Variants in EML1 observed in about 807,000 individuals in gnomAD.
The protein encoded by EML1 is echinoderm microtubule-associated protein-like 1.
Under a neutral mutation model 110.4 loss-of-function variants are expected in EML1, and 27 were observed. That is an observed-to-expected ratio of 0.24 (90% CI 0.18 to 0.34). The LOEUF (loss-of-function observed/expected upper bound fraction) is 0.34, where lower values mean the gene tolerates loss of function less well. Among genes scored for constraint, EML1 ranks in the 10% least tolerant of loss-of-function variants. EML1 has a pLI of 1.00. For missense variants in EML1, 741 were observed against 1,030.9 expected, an observed-to-expected ratio of 0.72 and a Z score of 3.85; for synonymous variants, 344 against 385.8, an observed-to-expected ratio of 0.89 and a Z score of 1.27.
At chr14:99,752,088 C>T (rs184435808) in intron 1 of EML1, among the ~76,000 whole-genome samples, 30 of 152,246 alleles carry the variant, frequency 2.0e-4, no homozygotes, top group South Asian at 2.1e-4. Flanking sequence ...CCAGAGACAC[C>T]GTTAATCGCC....
chr14:99,886,947 C>T (rs2059487159), intron 4 of EML1, among the ~76,000 whole-genome samples: 1 of 152,230 alleles, frequency 6.6e-6, no homozygotes, highest in South Asian at 2.1e-4. Flanking sequence ...CCAAAGTCCA[C>T]AGTGAACACA....
chr14:99,807,112 G>A (rs1056091000), intron 1 of EML1, among the ~76,000 whole-genome samples: 1 of 152,152 alleles, frequency 6.6e-6, no homozygotes, highest in African/African-American at 2.4e-5. Context: ...TGTTTAAAGA[G>A]ACAAGCAGGC....
chr14:99,857,227 A>G (rs546319898), intron 2 of EML1, among the ~76,000 whole-genome samples: 105 of 152,266 alleles, frequency 6.9e-4, no homozygotes, highest in Non-Finnish European at 1.3e-3. Context: ...AGCCGAGGTC[A>G]CACACTGCAC....
chr14:99,883,112 T>A (rs72710027), intron 4 of EML1: 1 of 152,364 alleles, frequency 6.6e-6, no homozygotes, highest in Non-Finnish European at 1.5e-5. Context: ...GGGCCCTTCA[T>A]CCACCAGCTC....
chr14:99,753,879 G>T (rs377697567), intron 1 of EML1, among the ~76,000 whole-genome samples: 12 of 152,148 alleles, frequency 7.9e-5, no homozygotes, highest in African/African-American at 2.9e-4. Context: ...CCCAGTGTAC[G>T]GACCAGGAGA....
chr14:99,788,160 A>G (rs1005333866), intron 1 of EML1, among the ~76,000 whole-genome samples: 1 of 152,026 alleles, frequency 6.6e-6, no homozygotes, highest in Non-Finnish European at 1.5e-5. Context: ...TTTCCTCCTT[A>G]TTCCAGTCCA....
upstream of EML1, among the ~76,000 whole-genome samples, chr14:99,769,975 C>T (rs190261017): frequency 6.6e-6 from 1 of 152,330 alleles, no homozygotes; most frequent in Admixed American, 6.5e-5. Context: ...CACCTGATGG[C>T]CCATACATGC....
At chr14:99,885,276 C>T (rs2059454283) in intron 4 of EML1, among the ~76,000 whole-genome samples, 1 of 152,200 alleles carries the variant, frequency 6.6e-6, no homozygotes, top group Non-Finnish European at 1.5e-5. Context: ...TTTACAGAAA[C>T]CTTCATGGTC....
At chr14:99,849,704 C>A (rs2058761400) in intron 1 of EML1, among the ~76,000 whole-genome samples, 1 of 151,800 alleles carries the variant, frequency 6.6e-6, no homozygotes, top group South Asian at 2.1e-4. Context: ...CGCACCACCA[C>A]ACCCAGCTAA....
At chr14:99,916,831 A>C (rs528703306) in intron 15 of EML1, among the ~76,000 whole-genome samples, 4 of 152,184 alleles carry the variant, frequency 2.6e-5, no homozygotes, top group Non-Finnish European at 5.9e-5. Context: ...CTCTCCTGGG[A>C]GGCCCAAGTC....
At chr14:99,835,031 AG>A (rs1290458239) in intron 1 of EML1, among the ~76,000 whole-genome samples, 1 of 151,862 alleles carries the variant, frequency 6.6e-6, no homozygotes, top group Non-Finnish European at 1.5e-5. Flanking sequence ...TTTGTTACCC[AG>A]GCAAGTCTCA....
At chr14:99,740,719 G>A (rs1000057326) in intron 1 of EML1, among the ~76,000 whole-genome samples, 5 of 152,212 alleles carry the variant, frequency 3.3e-5, no homozygotes, top group African/African-American at 1.2e-4. Flanking sequence ...CTTCGGGGCA[G>A]AGTCACGTCA....
At chr14:99,848,829 G>A (rs2058744763) in intron 1 of EML1, among the ~76,000 whole-genome samples, 1 of 151,886 alleles carries the variant, frequency 6.6e-6, no homozygotes, top group East Asian at 1.9e-4. Context: ...CAAGCGTGGT[G>A]GGGTGCGCCT....
At chr14:99,800,755 T>A (rs2057860583) in intron 1 of EML1, among the ~76,000 whole-genome samples, 1 of 152,272 alleles carries the variant, frequency 6.6e-6, no homozygotes, top group Non-Finnish European at 1.5e-5. Context: ...GAAAACCATT[T>A]TTTGCAGAGT....
chr14:99,763,876 A>T (rs149969588), intron 1 of EML1, among the ~76,000 whole-genome samples: 1 of 152,180 alleles, frequency 6.6e-6, no homozygotes, highest in Non-Finnish European at 1.5e-5. Flanking sequence ...TGCAAGGTGG[A>T]GGACAGCCCT....
chr14:99,906,493 G>A (rs2059849292), intron 9 of EML1, among the ~76,000 whole-genome samples: 1 of 152,166 alleles, frequency 6.6e-6, no homozygotes, highest in South Asian at 2.1e-4. Flanking sequence ...TGGTGCTGGT[G>A]GGAGTGTAGC....
rs939799554 is a variant in EML1, at chr14:99,783,012, C to CT, written c.-27+9002dup. Among the ~76,000 whole-genome samples the CT allele has an allele frequency of 3.2e-4, 48 of 151,592 alleles. 1 individual carries two copies. The highest frequency in any genetic ancestry group is 6.3e-4 in the Non-Finnish European group (43 of 67,952). On this transcript the variant is annotated intron_variant, in intron 1 of 22. Transcript: ENST00000327921. ...TATATATATATATATTTTTATTATA[C>CT]TTTAAGTTCTAGGGTACATGTGCAC... is the stretch of plus-strand genomic sequence containing the variant.
exon 1 of EML1, chr14:99,773,954 CGGCT>C (rs1566858713): frequency 6.6e-6 from 1 of 152,264 alleles, no homozygotes; most frequent in Non-Finnish European, 1.5e-5. Context: ...GGAGGAGGGG[CGGCT>C]GGGCGGCTTA....
chr14:99,817,472 C>T (rs1040380664), intron 1 of EML1, among the ~76,000 whole-genome samples: 12 of 152,220 alleles, frequency 7.9e-5, no homozygotes, highest in African/African-American at 1.7e-4. Flanking sequence ...GTGCCTGTCC[C>T]GGCTGGTGCT....
Sources: allele counts gnomAD v4.1 joint callset (sites outside exome capture counted in the v4.1 genomes callset), GRCh38; gene constraint gnomAD v4.1.1; transcripts MANE v1.5; gene names NCBI Gene and HGNC (gene_info 2026-07-23, HGNC 2026-07-21).